TGDS: variants seen among roughly 807,000 people sequenced by gnomAD.
TGDS encodes the protein TDP-glucose 4,6-dehydratase.
TGDS carries 47 observed loss-of-function variants against 52.3 expected under a neutral mutation model. The observed-to-expected ratio is 0.90, with a 90% confidence interval of 0.71 to 1.15. TGDS has a LOEUF of 1.15. Ranked by LOEUF, TGDS falls within the 50% of genes most tolerant of loss-of-function variation. TGDS has a pLI of 0.00. For missense variants in TGDS, 375 were observed against 418.4 expected (o/e 0.90, Z 0.90); for synonymous variants, 115 against 136.9 (o/e 0.84, Z 1.12).
intron 5 of TGDS, among the ~76,000 whole-genome samples, chr13:94,582,591 T>C (rs1888836453): frequency 6.6e-6 from 1 of 152,200 alleles, no homozygotes; most frequent in Admixed American, 6.5e-5. Context: ...TACAAAGTAT[T>C]GATCCTAGGT....
At chr13:94,587,638 A>T (rs1305627952) in intron 4 of TGDS, among the ~76,000 whole-genome samples, 1 of 152,166 alleles carries the variant, frequency 6.6e-6, no homozygotes, top group Non-Finnish European at 1.5e-5. Flanking sequence ...AAGGAAAAAC[A>T]ATAACTTTTA....
chr13:94,574,581 GA>G lies in TGDS; in HGVS notation c.*200del. On this transcript the variant is annotated 3_prime_UTR_variant, in exon 12 of 12. Coordinates refer to ENST00000261296, the MANE Select transcript of TGDS (RefSeq NM_014305.4). ...TTTCTAGGAGAAAGGGTTTCAGAAA[GA>G]ATTTTGACATTTAAATTCTATGCCA... is the stretch of plus-strand genomic sequence containing the variant. The G allele has an allele frequency of 4.0e-6, 2 of 503,236 alleles. No individual in the cohort carries two copies. The highest frequency in any genetic ancestry group is 3.1e-5 in the South Asian group (1 of 32,024). The allele number at this position is 503,236 out of a possible 1,614,324, so 31.2% of individuals were successfully genotyped here. A position where few individuals can be genotyped will look rare whatever the true frequency, so the allele number is the denominator to read the frequency against.
At chr13:94,577,494 T>C in intron 9 of TGDS, 65 bp from the exon 10 acceptor site, 1 of 1,338,766 alleles carries the variant, frequency 7.5e-7, no homozygotes, top group Non-Finnish European at 1.0e-6. Context: ...ACAATAGTAT[T>C]TAATGGCTGA....
At chr13:94,595,675 C>T (rs576423142) in intron 1 of TGDS, among the ~76,000 whole-genome samples, 5 of 152,134 alleles carry the variant, frequency 3.3e-5, no homozygotes, top group African/African-American at 1.2e-4. Flanking sequence ...GTCCTTAAAT[C>T]GTTTTGGGGG....
chr13:94,586,434 TA>T (rs1352789610), intron 4 of TGDS, among the ~76,000 whole-genome samples: 6 of 152,156 alleles, frequency 3.9e-5, no homozygotes, highest in African/African-American at 1.4e-4. Context: ...TTCATAAGTA[TA>T]AAAGGTTCAA....
intron 2 of TGDS, among the ~76,000 whole-genome samples, 174 bp from the exon 3 acceptor site, chr13:94,592,483 C>T (rs1165179886): frequency 6.6e-6 from 1 of 152,158 alleles, no homozygotes; most frequent in Non-Finnish European, 1.5e-5. Context: ...GACGGAGTCT[C>T]ACTCTGTTGC....
At chr13:94,588,611 CAAAG>C (rs1889086289) in intron 4 of TGDS, among the ~76,000 whole-genome samples, 1 of 151,910 alleles carries the variant, frequency 6.6e-6, no homozygotes, top group African/African-American at 2.4e-5. Flanking sequence ...GATATACTAA[CAAAG>C]AGAGGGAGAA....
intron 1 of TGDS, among the ~76,000 whole-genome samples, chr13:94,594,671 GA>G (rs1791725406): frequency 6.6e-6 from 1 of 152,026 alleles, no homozygotes; most frequent in Non-Finnish European, 1.5e-5. Context: ...ACCCTTCCTG[GA>G]CCCGCACTCT....
At chr13:94,593,817 G>T in intron 2 of TGDS, 24 bp downstream of exon 2, 2 of 1,423,090 alleles carry the variant, frequency 1.4e-6, no homozygotes, top group Admixed American at 2.0e-5. Flanking sequence ...TTCAGTGCAT[G>T]ATGCTCATTT....
chr13:94,586,750 T>A (rs1428477438), intron 4 of TGDS, among the ~76,000 whole-genome samples: 2 of 23,712 alleles, frequency 8.4e-5, no homozygotes, highest in Non-Finnish European at 1.6e-4. Context: ...GAAATCAAAT[T>A]ATTTTTTTTT....
intron 7 of TGDS, among the ~76,000 whole-genome samples, 187 bp from the exon 8 acceptor site, chr13:94,578,960 T>G (rs1219470360): frequency 2.0e-5 from 3 of 152,158 alleles, no homozygotes; most frequent in Admixed American, 6.5e-5. Context: ...TGCTATTTCA[T>G]AAAGACAGGT....
At position 94,583,094 on chromosome 13, in the gene TGDS, C is replaced by T; in HGVS notation, c.456G>A (p.Lys152=). 6.2e-7 allele frequency: 1 copy of T among 1,612,290 alleles called. No homozygotes were observed. Among genetic ancestry groups the T allele is most frequent in the Admixed American group, 1.7e-5 (1 of 59,730 alleles). Residue 152 remains lysine (K), a splice_region_variant and synonymous_variant, in exon 5 of 12, where the codon AAG becomes AAA. Coordinates refer to ENST00000261296, the MANE Select transcript of TGDS (RefSeq NM_014305.4). ...TDEVYGGSLD[K]EFDESSPKQP... is the part of the protein sequence containing the mutation. ...TAAAATATACATTTTCTAAGCTCAC[C>T]TTATCAAGACTGCCACCATATACTT...
chr13:94,592,299 C>A lies in TGDS; in HGVS notation c.164G>T (p.Cys55Phe). ...MIINLDKLDYCASLKNLETIS... is the reference protein window; with the variant it reads ...MIINLDKLDYFASLKNLETIS... ...GGTTTCAAGATTCTTCAAGCTTGCA[C>A]AGTAATCCAGCTTGAAAGAAGAGAG... The change falls in exon 3 of 12, where the codon TGT (cysteine) becomes TTT (phenylalanine). Residue 55 changes from cysteine (C) to phenylalanine (F), a missense_variant. Coordinates refer to ENST00000261296, the MANE Select transcript of TGDS (RefSeq NM_014305.4). 6.2e-7 allele frequency: 1 copy of A among 1,604,490 alleles called. No individual in the cohort carries two copies.
chr13:94,576,228 A>T, intron 11 of TGDS, 86 bp downstream of exon 11: 2 of 847,338 alleles, frequency 2.4e-6, no homozygotes, highest in Non-Finnish European at 3.5e-6. Context: ...ACAATATTCC[A>T]CTGGTTTGTA....
chr13:94,587,269 G>A (rs1889024341), intron 4 of TGDS, among the ~76,000 whole-genome samples: 1 of 152,062 alleles, frequency 6.6e-6, no homozygotes, highest in Non-Finnish European at 1.5e-5. Context: ...AATAATAAAG[G>A]TAAGACCAGA....
At chr13:94,579,617 A>G (rs1249215900) in intron 7 of TGDS, 1 of 261,616 alleles carries the variant, frequency 3.8e-6, no homozygotes, top group African/African-American at 2.2e-5. Context: ...GAGTCTTTAG[A>G]AGTACAAGGT....
intron 4 of TGDS, among the ~76,000 whole-genome samples, chr13:94,588,965 A>G (rs1405636089): frequency 6.6e-6 from 1 of 152,240 alleles, no homozygotes; most frequent in South Asian, 2.1e-4. Flanking sequence ...GGGGTTATAT[A>G]AGAATTAATT....
chr13:94,596,255 G>A (rs1175091060), upstream of TGDS: 7 of 1,140,410 alleles, frequency 6.1e-6, no homozygotes, highest in African/African-American at 1.6e-5. Context: ...AGCAGCCAGA[G>A]GCAGCTTCCG....
At chr13:94,577,235 T>TA in intron 10 of TGDS, 136 bp downstream of exon 10, 5 of 613,222 alleles carry the variant, frequency 8.2e-6, no homozygotes, top group Non-Finnish European at 1.1e-5. Context: ...GTATGGTACT[T>TA]ACGATTATGA....
Sources: allele counts gnomAD v4.1 joint callset (sites outside exome capture counted in the v4.1 genomes callset), GRCh38; gene constraint gnomAD v4.1.1; transcripts MANE v1.5; gene names NCBI Gene and HGNC (gene_info 2026-07-23, HGNC 2026-07-21).